ZSWIM5: variants seen among roughly 807,000 people sequenced by gnomAD.
The protein encoded by ZSWIM5 is zinc finger SWIM-type containing 5, also known as zinc finger SWIM domain-containing protein 5.
A neutral mutation model predicts 119.6 loss-of-function variants in ZSWIM5; 55 were observed. The observed-to-expected ratio is 0.46, with a 90% CI of 0.37 to 0.58. The LOEUF is 0.58. Ranked by LOEUF, ZSWIM5 falls within the 20% of genes least tolerant of loss-of-function variation. ZSWIM5 has a pLI of 0.00. For synonymous variants in ZSWIM5, 537 were observed against 606.9 expected (o/e 0.88, Z 1.69); for missense variants, 1,193 against 1,512.8 (o/e 0.79, Z 3.51).
chr1:45,181,904 C>A (rs1303605431), intron 1 of ZSWIM5, among the ~76,000 whole-genome samples: 1 of 152,006 alleles, frequency 6.6e-6, no homozygotes, highest in South Asian at 2.1e-4. Context: ...CACCACCAGG[C>A]CTGCCCTACA....
At chr1:45,034,061 G>A (rs1009207113) in intron 11 of ZSWIM5, among the ~76,000 whole-genome samples, 4 of 152,128 alleles carry the variant, frequency 2.6e-5, no homozygotes, top group African/African-American at 9.7e-5. Context: ...CACCATGTTG[G>A]CCAGGATGGT....
rs556342077 is a variant in ZSWIM5, at chr1:45,161,798, T to A, written c.595+43958A>T. On this transcript the variant is annotated intron_variant, in intron 1 of 13. Coordinates refer to ENST00000359600, the MANE Select transcript of ZSWIM5 (RefSeq NM_020883.2). ...GTTACCTTATGCCTATAGGAACTTA[T>A]AACTGACAATTACATTTTTATGGTA... Among the ~76,000 whole-genome samples, 6 of 152,378 alleles carry A rather than the reference T, an allele frequency of 3.9e-5. No homozygotes were observed. In the South Asian group the frequency reaches 1.2e-3, roughly 32 times the overall value.
At chr1:45,187,411 A>T (rs1646065525) in intron 1 of ZSWIM5, among the ~76,000 whole-genome samples, 1 of 152,168 alleles carries the variant, frequency 6.6e-6, no homozygotes, top group Non-Finnish European at 1.5e-5. Flanking sequence ...AAAAAGTTGA[A>T]GCCCCTTCTG....
intron 1 of ZSWIM5, among the ~76,000 whole-genome samples, chr1:45,159,552 C>T (rs1645850569): frequency 6.6e-6 from 1 of 152,106 alleles, no homozygotes; most frequent in African/African-American, 2.4e-5. Context: ...TTGGACTTCA[C>T]ATTTTCCAAT....
intron 2 of ZSWIM5, among the ~76,000 whole-genome samples, chr1:45,087,072 C>G (rs1235241402): frequency 1.3e-5 from 2 of 151,912 alleles, no homozygotes; most frequent in African/African-American, 4.8e-5. Flanking sequence ...TTAATAGAGA[C>G]AGGGTTTCAC....
intron 1 of ZSWIM5, among the ~76,000 whole-genome samples, chr1:45,117,727 T>C (rs1183001160): frequency 6.6e-6 from 1 of 152,006 alleles, no homozygotes; most frequent in African/African-American, 2.4e-5. Context: ...TTTAAACCAA[T>C]AGGGTTGGGT....
chr1:45,046,217 G>T (rs1645053554), intron 5 of ZSWIM5, among the ~76,000 whole-genome samples: 1 of 152,156 alleles, frequency 6.6e-6, no homozygotes, highest in Admixed American at 6.5e-5. Flanking sequence ...CATTTTAAAA[G>T]GATAACTCTG....
intron 1 of ZSWIM5, among the ~76,000 whole-genome samples, chr1:45,162,283 G>A (rs759869747): frequency 2.6e-5 from 4 of 152,208 alleles, no homozygotes; most frequent in Non-Finnish European, 5.9e-5. Context: ...CCTGAGGTCA[G>A]GAGTTGGAGA....
At chr1:45,135,179 T>C (rs1557776519) in intron 1 of ZSWIM5, among the ~76,000 whole-genome samples, 1 of 152,078 alleles carries the variant, frequency 6.6e-6, no homozygotes, top group Non-Finnish European at 1.5e-5. Context: ...AAAATACCAT[T>C]TTACATTCCC....
intron 2 of ZSWIM5, among the ~76,000 whole-genome samples, chr1:45,068,104 TTTC>T (rs1391752412): frequency 7.5e-5 from 4 of 53,272 alleles, no homozygotes; most frequent in Non-Finnish European, 1.1e-4. Flanking sequence ...TTTTTTTTTT[TTTC>T]TTTTTTTTTT....
In ZSWIM5 at chr1:45,035,808, C is replaced by T; in HGVS notation, c.2171G>A (p.Gly724Asp). The T allele has an allele frequency of 6.2e-7, 1 of 1,612,616 alleles. No individual in the cohort carries two copies. Among genetic ancestry groups the T allele is most frequent in the Non-Finnish European group, 8.5e-7 (1 of 1,179,642 alleles). Residue 724 changes from glycine to aspartate, a missense_variant, in exon 10 of 14, where the codon GGT becomes GAT. By Grantham distance (94) the Gly-to-Asp change is moderately conservative (BLOSUM62 -1). Coordinates refer to ENST00000359600, the MANE Select transcript of ZSWIM5 (RefSeq NM_020883.2). ...CTCTCGGTGGATGACTTCTCCCAGA[C>T]CGCTGAAAGGACCTCCTGGAGGAAG... ...ILLLEGGPFS[G>D]LGEVIHRESV...
At chr1:45,044,241 G>A (rs1645033855) in intron 5 of ZSWIM5, among the ~76,000 whole-genome samples, 1 of 150,452 alleles carries the variant, frequency 6.6e-6, no homozygotes, top group Admixed American at 6.6e-5. Flanking sequence ...GTATATTCAG[G>A]TACCTTTATT....
chr1:45,036,262 T>C lies in ZSWIM5; in HGVS notation c.1932A>G (p.Val644=). The C allele has an allele frequency of 1.2e-6, 2 of 1,613,844 alleles. No individual in the cohort carries two copies. The highest frequency in any genetic ancestry group is 4.5e-5 in the East Asian group (2 of 44,872). The change falls in exon 9 of 14, where the codon GTA becomes GTG. Residue 644 remains valine, a synonymous_variant. Coordinates refer to ENST00000359600, the MANE Select transcript of ZSWIM5 (RefSeq NM_020883.2). ...NESRPPVYQH[V]PVAAGSPNSS... ...TGTTTGGGGAGCCTGCAGCCACAGG[T>C]ACATGCTGGTACACAGGGGGTCTGC... is the stretch of plus-strand genomic sequence containing the variant.
At chr1:45,191,527 T>A (rs1646093285) in intron 1 of ZSWIM5, among the ~76,000 whole-genome samples, 1 of 152,222 alleles carries the variant, frequency 6.6e-6, no homozygotes, top group South Asian at 2.1e-4. Flanking sequence ...AATTCTCAAG[T>A]GCCATCCCAG....
chr1:45,027,975 C>T (rs192166904), intron 11 of ZSWIM5, among the ~76,000 whole-genome samples: 87 of 152,246 alleles, frequency 5.7e-4, no homozygotes, highest in East Asian at 1.9e-3. Flanking sequence ...CTCAGCCTCC[C>T]GAGTAGCTGG....
chr1:45,184,694 G>T (rs1417664222), intron 1 of ZSWIM5, among the ~76,000 whole-genome samples: 1 of 151,952 alleles, frequency 6.6e-6, no homozygotes, highest in Non-Finnish European at 1.5e-5. Flanking sequence ...ACTTACAAGG[G>T]ATGTGAAGGA....
intron 1 of ZSWIM5, among the ~76,000 whole-genome samples, chr1:45,174,082 C>T (rs1645961280): frequency 6.6e-6 from 1 of 151,992 alleles, no homozygotes; most frequent in Admixed American, 6.6e-5. Context: ...TGAGACCAGC[C>T]TGGCCAACAA....
At chr1:45,115,660 G>A (rs1463083850) in intron 1 of ZSWIM5, among the ~76,000 whole-genome samples, 17 of 149,554 alleles carry the variant, frequency 1.1e-4, no homozygotes, top group African/African-American at 3.7e-4. Flanking sequence ...AGGCTGGTCG[G>A]CCAGGCAGAG....
At chr1:45,040,788 A>C (rs941854910) in intron 6 of ZSWIM5, among the ~76,000 whole-genome samples, 3 of 152,244 alleles carry the variant, frequency 2.0e-5, no homozygotes, top group Admixed American at 2.0e-4. Flanking sequence ...GTAGGATAAT[A>C]AAATGTAGTT....
Sources: gnomAD v4.1 joint callset for allele counts (sites outside exome capture counted in the v4.1 genomes callset) on GRCh38, gnomAD v4.1.1 for gene constraint, MANE v1.5 for transcripts, NCBI Gene and HGNC (gene_info 2026-07-23, HGNC 2026-07-21) for gene names.